TIAM1: variants seen among roughly 807,000 people sequenced by gnomAD.
TIAM1 encodes the protein TIAM Rac1 associated GEF 1, also known as rho guanine nucleotide exchange factor TIAM1.
In TIAM1, 65 loss-of-function variants were observed where a neutral mutation model predicts 163.5. That is an observed-to-expected ratio of 0.40 (90% CI 0.33 to 0.49). TIAM1 has a LOEUF of 0.49. Ranked by LOEUF, TIAM1 falls within the 20% of genes least tolerant of loss-of-function variation. TIAM1 has a pLI of 0.77. For missense variants in TIAM1, 1,789 were observed against 2,044.7 expected, an observed-to-expected ratio of 0.87 and a Z score of 2.41; for synonymous variants, 833 against 810.1, an observed-to-expected ratio of 1.03 and a Z score of -0.48.
chr21:31,535,972 C>G (rs899836988), intron 1 of TIAM1, among the ~76,000 whole-genome samples: 1 of 152,134 alleles, frequency 6.6e-6, no homozygotes, highest in Non-Finnish European at 1.5e-5. Context: ...GAATGGAAGA[C>G]GATGGGTTAC....
chr21:31,495,488 A>G (rs573129665), intron 1 of TIAM1, among the ~76,000 whole-genome samples: 74 of 152,302 alleles, frequency 4.9e-4, no homozygotes, highest in African/African-American at 1.7e-3. Flanking sequence ...TTCACGACAG[A>G]GGAGCCTCCA....
In TIAM1 at chr21:31,120,778, T is replaced by C. The variant is rs1244588252; in HGVS notation, c.4366A>G (p.Thr1456Ala). The C allele has an allele frequency of 1.9e-6, 3 of 1,613,928 alleles. No individual in the cohort carries two copies. The highest frequency in any genetic ancestry group is 2.5e-6 in the Non-Finnish European group (3 of 1,180,010). ...GCGGAGACGGCATCAGAATCAATGG[T>C]AAACCTGTTTCGAGCCAGCCGCCGC... is the stretch of plus-strand genomic sequence containing the variant. ...RRRRLARNRF[T>A]IDSDAVSASS... is the part of the protein sequence containing the mutation. The change falls in exon 28 of 28, where the codon ACC becomes GCC. Residue 1456 changes from threonine (T) to alanine (A), a missense_variant. By Grantham distance (58) the Thr-to-Ala change is moderately conservative (BLOSUM62 0). Coordinates refer to ENST00000541036, the MANE Select transcript of TIAM1 (RefSeq NM_001353694.2). The surrounding 1 kb of genome is among the most constrained non-coding windows in gnomAD (Gnocchi z 4.2).
At chr21:31,252,341 C>G (rs2071859985) in intron 4 of TIAM1, 152 bp from the exon 5 acceptor site, 2 of 811,694 alleles carry the variant, frequency 2.5e-6, no homozygotes, top group Non-Finnish European at 3.9e-6. Flanking sequence ...TGGACCAGGT[C>G]CTGCTCAACC....
At chr21:31,542,670 T>A (rs1343063737) in intron 1 of TIAM1, among the ~76,000 whole-genome samples, 1 of 151,908 alleles carries the variant, frequency 6.6e-6, no homozygotes, top group Non-Finnish European at 1.5e-5. Context: ...TGTGACACTT[T>A]TTAAAAACCC....
chr21:31,204,932 C>T (rs772964897), intron 11 of TIAM1, among the ~76,000 whole-genome samples: 2 of 152,168 alleles, frequency 1.3e-5, no homozygotes, highest in Non-Finnish European at 2.9e-5. Flanking sequence ...ACACAGATGC[C>T]ATTCACCGAA....
In TIAM1 at chr21:31,210,298, C is replaced by T. The variant is rs575199320; in HGVS notation, c.2218-83G>A. ...TTCCCAGACTGCACACAGGAATCAC[C>T]GATTCCCATGAAAACAGCCCAGGGC... On this transcript the variant is annotated intron_variant, in intron 10 of 27. Coordinates refer to ENST00000541036, the MANE Select transcript of TIAM1 (RefSeq NM_001353694.2). 678 of 1,447,468 alleles carry T rather than the reference C, an allele frequency of 4.7e-4. 2 individuals carry two copies. The highest frequency in any genetic ancestry group is 6.2e-4 in the Non-Finnish European group (653 of 1,055,736). The allele number at this position is 1,447,468 out of a possible 1,614,324, so 89.7% of individuals were successfully genotyped here.
intron 2 of TIAM1, among the ~76,000 whole-genome samples, chr21:31,373,248 C>T (rs1292605441): frequency 3.9e-5 from 6 of 152,124 alleles, no homozygotes; most frequent in African/African-American, 1.2e-4. Flanking sequence ...TGAGACTATA[C>T]CACTGCACTC....
chr21:31,279,022 C>T (rs968567293), intron 2 of TIAM1, among the ~76,000 whole-genome samples: 3 of 151,970 alleles, frequency 2.0e-5, no homozygotes, highest in African/African-American at 7.3e-5. Flanking sequence ...ACCTGCACAA[C>T]GGAGGCTGAT....
chr21:31,431,220 C>G (rs2044016626), intron 2 of TIAM1, among the ~76,000 whole-genome samples: 2 of 152,196 alleles, frequency 1.3e-5, no homozygotes, highest in South Asian at 4.1e-4. Context: ...CCGCCTTCAA[C>G]TTCACCTCCC....
Position 31,165,041 on chromosome 21 carries a change from C to T in TIAM1, c.2912G>A (p.Gly971Asp), listed in dbSNP as rs1039203495. The T allele has an allele frequency of 1.9e-6, 3 of 1,614,074 alleles. No individual in the cohort carries two copies. Among genetic ancestry groups the T allele is most frequent in the Admixed American group, 1.7e-5 (1 of 60,026 alleles). ...CTCTGGAGCGGTCTCAGCACTGCTG[C>T]CCTGCTCGCTGCAAAGGCTGTGCCC... ...NPGHSLCSEQ[G>D]SSAETAPEET... is the part of the protein sequence containing the mutation. The change falls in exon 16 of 28, where the codon GGC (glycine) becomes GAC (aspartate). Residue 971 changes from glycine to aspartate, a missense_variant. Transcript: ENST00000541036.
At chr21:31,158,927 G>A (rs988408928) in intron 16 of TIAM1, among the ~76,000 whole-genome samples, 4 of 152,076 alleles carry the variant, frequency 2.6e-5, no homozygotes, top group African/African-American at 4.8e-5. Context: ...TGGCATCCTA[G>A]TCATTCCCAC....
chr21:31,385,059 C>T (rs9984908), intron 2 of TIAM1, among the ~76,000 whole-genome samples: 8,238 of 152,102 alleles, frequency 0.054, 524 homozygotes, highest in African/African-American at 0.15. Context: ...TGGCTTCATG[C>T]TGTCTTTTTT....
At position 31,266,800 on chromosome 21, in the gene TIAM1, G is replaced by A. The variant is rs1360638156; in HGVS notation, c.173C>T (p.Ser58Phe). 1 of 1,614,224 alleles carries A rather than the reference G, an allele frequency of 6.2e-7. No individual in the cohort carries two copies. Among genetic ancestry groups the A allele is most frequent in the East Asian group, 2.2e-5 (1 of 44,876 alleles). ...IHRNSEVSTR[S>F]SSTPSIPQSL... is the part of the protein sequence containing the mutation. ...CTGGGGGATGCTGGGGGTGCTGCTG[G>A]ATCGGGTGCTCACTTCGGAGTTCCT... Residue 58 changes from serine (S) to phenylalanine (F), a missense_variant, in exon 4 of 28, where the codon TCC (serine) becomes TTC (phenylalanine). Around this residue, in one of 5 missense-constraint regions of TIAM1, gnomAD observed 555 missense variants for 564.9 expected, o/e 0.98. Transcript: ENST00000541036.
At chr21:31,229,511 AT>A (rs1271248477) in intron 6 of TIAM1, among the ~76,000 whole-genome samples, 1 of 152,040 alleles carries the variant, frequency 6.6e-6, no homozygotes, top group Non-Finnish European at 1.5e-5. Flanking sequence ...CTTCTCCACC[AT>A]TTATTTCTTT....
chr21:31,281,085 CAAAAAAAAAAA>C (rs748020575), intron 2 of TIAM1, among the ~76,000 whole-genome samples: 5 of 63,758 alleles, frequency 7.8e-5, no homozygotes, highest in Non-Finnish European at 1.2e-4. Context: ...GACCCTAACT[CAAAAAAAAAAA>C]AAAAAAAAAA....
intron 4 of TIAM1, among the ~76,000 whole-genome samples, chr21:31,261,517 GC>G (rs2072474834): frequency 6.6e-6 from 1 of 152,092 alleles, no homozygotes; most frequent in African/African-American, 2.4e-5. Flanking sequence ...TTCAAGACCA[GC>G]CTGGCCAACA....
intron 2 of TIAM1, among the ~76,000 whole-genome samples, chr21:31,317,474 C>A (rs183747298): frequency 4.9e-4 from 74 of 150,186 alleles, no homozygotes; most frequent in South Asian, 4.2e-4. Flanking sequence ...AAAACAAAAA[C>A]CAAACAAACA....
At chr21:31,210,639 A>AGGAAGGG (rs1569032034) in intron 10 of TIAM1, among the ~76,000 whole-genome samples, 1 of 26,392 alleles carries the variant, frequency 3.8e-5, no homozygotes, top group Non-Finnish European at 7.4e-5. Flanking sequence ...GAAAGAAAGA[A>AGGAAGGG]AGAAAGAAAG....
At chr21:31,294,207 C>T (rs2074143549) in intron 2 of TIAM1, among the ~76,000 whole-genome samples, 1 of 152,200 alleles carries the variant, frequency 6.6e-6, no homozygotes, top group Non-Finnish European at 1.5e-5. Context: ...CCTCCCACTC[C>T]CTGCTCATGA....
Sources: gnomAD v4.1 joint callset for allele counts (sites outside exome capture counted in the v4.1 genomes callset) on GRCh38, gnomAD v4.1.1 for gene constraint, gnomAD v4.1.1 regional missense constraint, Gnocchi (gnomAD v3.1) non-coding constraint, MANE v1.5 for transcripts, NCBI Gene and HGNC (gene_info 2026-07-23, HGNC 2026-07-21) for gene names.